LRFN2: variants seen among roughly 807,000 people sequenced by gnomAD.
LRFN2 encodes leucine rich repeat and fibronectin type III domain containing 2.
In LRFN2, 18 loss-of-function variants were observed where a neutral mutation model predicts 37.3. The observed-to-expected ratio is 0.48, with a 90% CI of 0.33 to 0.72. The LOEUF (loss-of-function observed/expected upper bound fraction) is 0.72. LRFN2 is among the 30% of genes least tolerant of loss of function. LRFN2 has a pLI of 0.02. For synonymous variants in LRFN2, 556 were observed against 466.6 expected, an observed-to-expected ratio of 1.19 and a Z score of -2.47; for missense variants, 1,006 against 1,060.7, an observed-to-expected ratio of 0.95 and a Z score of 0.72.
At chr6:40,519,156 G>A (rs1374512530) in intron 1 of LRFN2, among the ~76,000 whole-genome samples, 2 of 152,210 alleles carry the variant, frequency 1.3e-5, no homozygotes, top group African/African-American at 4.8e-5. Context: ...TTTGTTCACA[G>A]CTGTGTTTTC....
chr6:40,435,106 A>G (rs1486556492), intron 1 of LRFN2, among the ~76,000 whole-genome samples: 1 of 132,232 alleles, frequency 7.6e-6, no homozygotes, highest in African/African-American at 2.7e-5. Flanking sequence ...GAGATAATAT[A>G]TATTATATAT....
chr6:40,551,256 G>A (rs1766773678), intron 1 of LRFN2, among the ~76,000 whole-genome samples: 1 of 152,212 alleles, frequency 6.6e-6, no homozygotes, highest in African/African-American at 2.4e-5. Flanking sequence ...GGCAATGGCA[G>A]ATACTTCAAT....
chr6:40,415,618 A>G (rs1763077784), intron 2 of LRFN2, among the ~76,000 whole-genome samples: 1 of 152,182 alleles, frequency 6.6e-6, no homozygotes, highest in Non-Finnish European at 1.5e-5. Flanking sequence ...GCTCTAGCAT[A>G]TATTTGCACA....
At chr6:40,404,497 T>C (rs949365304) in intron 2 of LRFN2, among the ~76,000 whole-genome samples, 2 of 152,204 alleles carry the variant, frequency 1.3e-5, no homozygotes, top group Non-Finnish European at 2.9e-5. Flanking sequence ...ATTAAAAATT[T>C]AGTTTCTGAG....
intron 2 of LRFN2, among the ~76,000 whole-genome samples, chr6:40,416,523 T>C (rs1223755539): frequency 2.6e-5 from 4 of 152,200 alleles, no homozygotes; most frequent in Non-Finnish European, 5.9e-5. Flanking sequence ...CACTGGACTT[T>C]TTTTGGTTTG....
chr6:40,560,860 G>T (rs1766980644), intron 1 of LRFN2, among the ~76,000 whole-genome samples: 1 of 152,150 alleles, frequency 6.6e-6, no homozygotes, highest in Non-Finnish European at 1.5e-5. Context: ...CTTACAGTGG[G>T]TTTAAGCCAA....
At chr6:40,409,377 C>T (rs1762912772) in intron 2 of LRFN2, among the ~76,000 whole-genome samples, 2 of 152,180 alleles carry the variant, frequency 1.3e-5, no homozygotes, top group Admixed American at 1.3e-4. Context: ...ACAGTTTTCT[C>T]ACTTGCAAAA....
intron 1 of LRFN2, among the ~76,000 whole-genome samples, chr6:40,496,750 T>C (rs1765237043): frequency 1.3e-5 from 2 of 152,128 alleles, no homozygotes; most frequent in Admixed American, 6.5e-5. Context: ...GGTTTGTGTG[T>C]TATCCTCTGC....
At chr6:40,573,949 G>A (rs1476591513) in intron 1 of LRFN2, among the ~76,000 whole-genome samples, 1 of 152,118 alleles carries the variant, frequency 6.6e-6, no homozygotes, top group Non-Finnish European at 1.5e-5. Flanking sequence ...CAACAAGAAC[G>A]AAACTTGTGT....
rs769398820 is a variant in LRFN2 at position 40,392,189 on chromosome 6, G to C, written c.2124C>G (p.Ser708Arg). The C allele has an allele frequency of 1.3e-6, 2 of 1,585,436 alleles. No individual in the cohort carries two copies. Among genetic ancestry groups the C allele is most frequent in the East Asian group, 2.3e-5 (1 of 44,108 alleles). The change falls in exon 3 of 3, where the codon AGC becomes AGG. Residue 708 changes from serine to arginine, a missense_variant. Ser to Arg is a moderately radical substitution (Grantham distance 110). Around this residue, in one of 4 missense-constraint regions of LRFN2, gnomAD observed 398 missense variants for 327.6 expected, o/e 1.21. Transcript: ENST00000338305. This position sits in a 1 kb window ranked among gnomAD's most constrained non-coding sequence, Gnocchi z 4.7. ...LLGPPAARAR[S>R]LLPLPLEGKA... ...TGCCCTCCAACGGCAAGGGGAGCAG[G>C]CTCCTGGCCCGGGCCGCAGGGGGCC...
intron 1 of LRFN2, among the ~76,000 whole-genome samples, chr6:40,564,578 C>T (rs949190781): frequency 3.9e-5 from 6 of 152,158 alleles, no homozygotes; most frequent in African/African-American, 1.4e-4. Context: ...TATCCATCCC[C>T]ACCACTATAA....
chr6:40,560,143 G>A (rs557660921), intron 1 of LRFN2, among the ~76,000 whole-genome samples: 1 of 152,338 alleles, frequency 6.6e-6, no homozygotes, highest in Non-Finnish European at 1.5e-5. Context: ...ACACAATGTG[G>A]AAAACACAGA....
At chr6:40,508,448 G>A (rs543915684) in intron 1 of LRFN2, among the ~76,000 whole-genome samples, 4 of 152,068 alleles carry the variant, frequency 2.6e-5, no homozygotes, top group Non-Finnish European at 5.9e-5. Flanking sequence ...AGTGGGTGGT[G>A]GGGGGGATCC....
intron 1 of LRFN2, among the ~76,000 whole-genome samples, chr6:40,484,604 C>A (rs559436583): frequency 1.3e-5 from 2 of 152,310 alleles, no homozygotes; most frequent in South Asian, 4.1e-4. Flanking sequence ...GGGGTCTTGG[C>A]TCTCTGGAGC....
intron 1 of LRFN2, among the ~76,000 whole-genome samples, chr6:40,471,093 T>C (rs548939240): frequency 6.6e-6 from 1 of 152,074 alleles, no homozygotes; most frequent in East Asian, 1.9e-4. Flanking sequence ...GAAAAAGGGC[T>C]GAGGGGGCCA....
At chr6:40,395,170 C>T (rs1177103812) in intron 2 of LRFN2, among the ~76,000 whole-genome samples, 1 of 152,034 alleles carries the variant, frequency 6.6e-6, no homozygotes, top group African/African-American at 2.4e-5. Context: ...CATGACAGTC[C>T]TGTAAAGGCA....
At chr6:40,442,005 A>T (rs1763848307) in intron 1 of LRFN2, among the ~76,000 whole-genome samples, 2 of 152,120 alleles carry the variant, frequency 1.3e-5, no homozygotes, top group Non-Finnish European at 2.9e-5. Flanking sequence ...TCCCTCACCC[A>T]AGGACTTCCC....
chr6:40,494,273 G>C (rs540464822), intron 1 of LRFN2, among the ~76,000 whole-genome samples: 19 of 152,268 alleles, frequency 1.2e-4, no homozygotes, highest in African/African-American at 4.1e-4. Flanking sequence ...GACCAGATCA[G>C]CACTTCTCTC....
At chr6:40,570,855 C>T (rs578258072) in intron 1 of LRFN2, among the ~76,000 whole-genome samples, 113 of 152,324 alleles carry the variant, frequency 7.4e-4, no homozygotes, top group Admixed American at 1.4e-3. Context: ...GGGTGCTAGA[C>T]ATGGGGAGAA....
Sources: gnomAD v4.1 joint callset for allele counts (sites outside exome capture counted in the v4.1 genomes callset) on GRCh38, gnomAD v4.1.1 for gene constraint, gnomAD v4.1.1 regional missense constraint, Gnocchi (gnomAD v3.1) non-coding constraint, MANE v1.5 for transcripts, NCBI Gene and HGNC (gene_info 2026-07-23, HGNC 2026-07-21) for gene names.